Variants in CIMAP1D observed in about 807,000 individuals in gnomAD.
CIMAP1D encodes the protein protein CIMAP1D.
chr19:480,495 G>GACA, the CIMAP1D span, among the ~76,000 whole-genome samples: 456 of 129,158 alleles, frequency 3.5e-3, 5 homozygotes, highest in African/African-American at 0.015. Flanking sequence ...TGATGGTAAG[G>GACA]ATGATGGAGA....
chr19:478,736 C>T, the CIMAP1D span, among the ~76,000 whole-genome samples: 1 of 152,270 alleles, frequency 6.6e-6, no homozygotes, highest in Non-Finnish European at 1.5e-5. Context: ...GATGAGAGGC[C>T]GGAGGCCGGC....
At chr19:467,713 T>C in the CIMAP1D span, 1 of 1,611,466 alleles carries the variant, frequency 6.2e-7, no homozygotes, top group African/African-American at 1.3e-5. Flanking sequence ...AGCGTGTGAC[T>C]TTGGGGTCCA....
At chr19:478,115 C>T in the CIMAP1D span, among the ~76,000 whole-genome samples, 1 of 152,230 alleles carries the variant, frequency 6.6e-6, no homozygotes, top group Non-Finnish European at 1.5e-5. Flanking sequence ...AACTCCAGAG[C>T]CACAGCAGGG....
the CIMAP1D span, chr19:475,003 G>A: frequency 1.6e-5 from 6 of 378,546 alleles, no homozygotes; most frequent in South Asian, 1.1e-4. Context: ...GCGGCTGGAT[G>A]GTCCAGGAAA....
the CIMAP1D span, among the ~76,000 whole-genome samples, chr19:475,986 ATTTTT>A: frequency 0.015 from 606 of 39,202 alleles, 4 homozygotes; most frequent in African/African-American, 0.042. Context: ...CGCCTGGCTA[ATTTTT>A]TTTTTTTTTT....
chr19:473,143 A>T, the CIMAP1D span, among the ~76,000 whole-genome samples: 1 of 124,432 alleles, frequency 8.0e-6, no homozygotes. Flanking sequence ...TCCCAGAGAT[A>T]CACGGTCACA....
the CIMAP1D span, chr19:464,131 G>T: frequency 1.5e-6 from 1 of 672,086 alleles, no homozygotes; most frequent in Non-Finnish European, 2.3e-6. Context: ...GGATCCTGCG[G>T]GGGGCGGGCG....
chr19:480,270 C>A, the CIMAP1D span, among the ~76,000 whole-genome samples: 10 of 152,222 alleles, frequency 6.6e-5, no homozygotes, highest in Non-Finnish European at 1.0e-4. Flanking sequence ...GAAGCCGATG[C>A]GGCGGGTCCT....
chr19:464,099 G>C, the CIMAP1D span: 1 of 1,288,492 alleles, frequency 7.8e-7, no homozygotes, highest in Non-Finnish European at 1.0e-6. Flanking sequence ...TGTCGTACTG[G>C]CCCGGGCCTG....
chr19:463,663 C>G, the CIMAP1D span: 1 of 882,864 alleles, frequency 1.1e-6, no homozygotes, highest in Non-Finnish European at 1.7e-6. Context: ...TGCACAGGGC[C>G]ATGGGTCACA....
At chr19:472,595 TCTCC>T in the CIMAP1D span, 1 of 879,300 alleles carries the variant, frequency 1.1e-6, no homozygotes, top group Non-Finnish European at 1.6e-6. Context: ...TGGGTTCCCC[TCTCC>T]CTCCATGGTG....
chr19:480,276 G>A, the CIMAP1D span, among the ~76,000 whole-genome samples: 1 of 152,260 alleles, frequency 6.6e-6, no homozygotes, highest in South Asian at 2.1e-4. Context: ...GATGCGGCGG[G>A]TCCTGCACGG....
At chr19:477,459 A>T in the CIMAP1D span, among the ~76,000 whole-genome samples, 1 of 152,008 alleles carries the variant, frequency 6.6e-6, no homozygotes, top group Admixed American at 6.6e-5. Context: ...CTGTAATCCC[A>T]GCCACACAGG....
chr19:489,844 C>T, the CIMAP1D span: 1 of 381,482 alleles, frequency 2.6e-6, no homozygotes, highest in Admixed American at 4.5e-5. Context: ...GCGAGTCGTC[C>T]TCAGAGGCCG....
chr19:469,739 C>T, the CIMAP1D span, among the ~76,000 whole-genome samples: 1 of 152,100 alleles, frequency 6.6e-6, no homozygotes, highest in South Asian at 2.1e-4. Context: ...AATCCCATCG[C>T]CCCTCCACAG....
chr19:464,236 C>T, the CIMAP1D span: 1 of 1,525,668 alleles, frequency 6.6e-7, no homozygotes, highest in Non-Finnish European at 8.8e-7. Context: ...GCATTAGGGG[C>T]AGGGGCTGAG....
the CIMAP1D span, among the ~76,000 whole-genome samples, chr19:480,934 G>GA: frequency 4.6e-5 from 6 of 129,734 alleles, no homozygotes; most frequent in South Asian, 2.7e-4. Context: ...AAGGATGATG[G>GA]GAAGGATGAT....
chr19:464,097 TG>T, the CIMAP1D span: 1 of 1,271,872 alleles, frequency 7.9e-7, no homozygotes, highest in Non-Finnish European at 1.0e-6. Context: ...GCTGTCGTAC[TG>T]GCCCGGGCCT....
At chr19:474,819 G>T in the CIMAP1D span, 2 of 1,296,842 alleles carry the variant, frequency 1.5e-6, no homozygotes, top group Non-Finnish European at 2.0e-6. Context: ...CAGCTCTGGC[G>T]GCCACAGGCC....
Sources: gnomAD v4.1 joint callset for allele counts (sites outside exome capture counted in the v4.1 genomes callset) on GRCh38, gnomAD v4.1.1 for gene constraint, MANE v1.5 for transcripts, NCBI Gene and HGNC (gene_info 2026-07-23, HGNC 2026-07-21) for gene names.